The following ADTRP variants were observed in gnomAD, a reference collection of about 807,000 sequenced individuals.
ADTRP encodes the protein androgen-dependent TFPI-regulating protein.
ADTRP carries 20 observed loss-of-function variants against 27.0 expected under a neutral mutation model. The ratio of observed to expected loss-of-function variants is 0.74; its 90% CI spans 0.52 to 1.08. ADTRP has a LOEUF of 1.08. Ranked by LOEUF, ADTRP falls within the 50% of genes least tolerant of loss-of-function variation. The probability of loss-of-function intolerance (pLI) is 0.00; values close to 1 mark genes in which losing one functional copy is unlikely to be tolerated. For synonymous variants in ADTRP, 101 were observed against 105.2 expected (o/e 0.96, Z 0.25); for missense variants, 251 against 275.0 (o/e 0.91, Z 0.62).
At chr6:11,768,195 C>A in intron 2 of ADTRP, 54 bp downstream of exon 2, 2 of 1,593,720 alleles carry the variant, frequency 1.3e-6, no homozygotes, top group Admixed American at 3.4e-5. Flanking sequence ...CCAGGAGAAG[C>A]GTCTGTCCAT....
intron 3 of ADTRP, among the ~76,000 whole-genome samples, chr6:11,748,875 G>T (rs1244338743): frequency 6.6e-6 from 1 of 152,228 alleles, no homozygotes; most frequent in Non-Finnish European, 1.5e-5. Flanking sequence ...AGCTCAATCT[G>T]TGTCTGCAGC....
At chr6:11,759,958 T>A (rs1763345118) in intron 3 of ADTRP, among the ~76,000 whole-genome samples, 1 of 152,160 alleles carries the variant, frequency 6.6e-6, no homozygotes, top group Non-Finnish European at 1.5e-5. Flanking sequence ...GTAAGTGGTC[T>A]GCCTGGAAGA....
At chr6:11,759,208 G>A (rs1763324411) in intron 3 of ADTRP, among the ~76,000 whole-genome samples, 1 of 152,212 alleles carries the variant, frequency 6.6e-6, no homozygotes, top group South Asian at 2.1e-4. Context: ...TCTCTTTGAG[G>A]GAACAGGGGC....
intron 5 of ADTRP, among the ~76,000 whole-genome samples, chr6:11,719,746 C>T (rs1250425985): frequency 6.6e-6 from 1 of 152,170 alleles, no homozygotes; most frequent in Non-Finnish European, 1.5e-5. Context: ...CTCCTATTTG[C>T]TGTAAGTACC....
At chr6:11,757,442 A>G (rs1191103868) in intron 3 of ADTRP, among the ~76,000 whole-genome samples, 1 of 152,158 alleles carries the variant, frequency 6.6e-6, no homozygotes, top group African/African-American at 2.4e-5. Context: ...CTCCTCTTTG[A>G]TATCTTTTCC....
intron 4 of ADTRP, among the ~76,000 whole-genome samples, chr6:11,727,146 C>T (rs1042982614): frequency 6.6e-5 from 10 of 152,266 alleles, no homozygotes; most frequent in African/African-American, 1.9e-4. Flanking sequence ...CTCACCCTCC[C>T]GAGTAGCTGG....
chr6:11,717,322 C>A, intron 5 of ADTRP: 1 of 1,304,174 alleles, frequency 7.7e-7, no homozygotes. Flanking sequence ...ATATTCTTGA[C>A]CAGTTGGTGC....
chr6:11,770,223 C>G (rs1763724785), intron 1 of ADTRP: 13 of 768,164 alleles, frequency 1.7e-5, no homozygotes, highest in Non-Finnish European at 2.4e-5. Flanking sequence ...CTGCCTGGTT[C>G]CCACCCCCAG....
chr6:11,730,040 T>C (rs1270190029), intron 4 of ADTRP, among the ~76,000 whole-genome samples: 4 of 152,212 alleles, frequency 2.6e-5, no homozygotes, highest in Non-Finnish European at 4.4e-5. Flanking sequence ...CCGTTATTAT[T>C]TCTGATTTCT....
At chr6:11,729,469 C>G (rs1304476946) in intron 4 of ADTRP, among the ~76,000 whole-genome samples, 1 of 152,114 alleles carries the variant, frequency 6.6e-6, no homozygotes, top group Non-Finnish European at 1.5e-5. Flanking sequence ...TAATTCCTTG[C>G]TACCTTTGCT....
Position 11,714,364 on chromosome 6 carries a change from C to A in ADTRP, c.*114G>T. The A allele has an allele frequency of 8.4e-7, 1 of 1,187,656 alleles. No homozygotes were observed. Among genetic ancestry groups the A allele is most frequent in the South Asian group, 1.4e-5 (1 of 73,718 alleles). 73.6% of individuals were successfully genotyped at this position (1,187,656 alleles called of 1,614,324 possible). A position where few individuals can be genotyped will look rare whatever the true frequency, so the allele number is the denominator to read the frequency against. On this transcript the variant is annotated 3_prime_UTR_variant, in exon 6 of 6. Transcript: ENST00000414691. ...ATTAAATTTAAGTATCACTCTCTGT[C>A]CCTCCTACTTTGCTATGTTCCTCCA...
At chr6:11,764,086 T>C (rs950268218) in intron 3 of ADTRP, among the ~76,000 whole-genome samples, 1 of 152,226 alleles carries the variant, frequency 6.6e-6, no homozygotes, top group Non-Finnish European at 1.5e-5. Context: ...TTCAGGTTAC[T>C]TGAATGACCA....
rs967778519 is a variant in ADTRP, at chr6:11,764,390, T to C, written c.390+1884A>G. On this transcript the variant is annotated intron_variant, in intron 3 of 5. Transcript: ENST00000414691. ...AAGCTACAAGATGAGCACACAAACC[T>C]TGAGAAGATGTTTGCTAGGTGCATT... Among the ~76,000 whole-genome samples, 5 of 152,276 alleles carry C rather than the reference T, an allele frequency of 3.3e-5. No homozygotes were observed. The East Asian group carries it at 7.7e-4, about 23-fold the overall frequency.
intron 1 of ADTRP, among the ~76,000 whole-genome samples, chr6:11,768,905 C>A (rs1190793715): frequency 5.9e-5 from 9 of 152,072 alleles, no homozygotes; most frequent in African/African-American, 1.4e-4. Flanking sequence ...GTGCCTTGCT[C>A]AGCCGAAGAA....
At chr6:11,731,409 C>T (rs1554112322) in intron 4 of ADTRP, among the ~76,000 whole-genome samples, 70 of 152,188 alleles carry the variant, frequency 4.6e-4, no homozygotes, top group Non-Finnish European at 2.9e-5. Context: ...TGCTTCCACT[C>T]CAAACAAACA....
At chr6:11,731,615 G>A (rs1027740485) in intron 4 of ADTRP, among the ~76,000 whole-genome samples, 1 of 146,462 alleles carries the variant, frequency 6.8e-6, no homozygotes, top group Non-Finnish European at 1.5e-5. Context: ...TTGGGACTGT[G>A]CTCCTTTTGT....
intron 5 of ADTRP, among the ~76,000 whole-genome samples, chr6:11,720,937 T>C (rs1762005618): frequency 6.6e-6 from 1 of 152,160 alleles, no homozygotes; most frequent in Non-Finnish European, 1.5e-5. Context: ...GGATATTCTA[T>C]TGTCTGCACT....
chr6:11,716,122 T>C lies in ADTRP; in HGVS notation c.659-1610A>G, dbSNP rs527789716. Reference sequence around the variant, plus strand: ...TTTTCAATTAAATAACCAGCTCACATACAAGAGGGACAATATAAACTTGGT... The same window carrying C: ...TTTTCAATTAAATAACCAGCTCACACACAAGAGGGACAATATAAACTTGGT... On this transcript the variant is annotated intron_variant, in intron 5 of 5. Coordinates refer to ENST00000414691, the MANE Select transcript of ADTRP (RefSeq NM_032744.4). Among the ~76,000 whole-genome samples, 3 of 152,276 alleles carry C rather than the reference T, an allele frequency of 2.0e-5. No individual in the cohort carries two copies. In the East Asian group the frequency reaches 5.8e-4, roughly 29 times the overall value.
Position 11,734,202 on chromosome 6 carries a change from G to A in ADTRP, c.506+1366C>T, listed in dbSNP as rs183586629. Among the ~76,000 whole-genome samples the A allele has an allele frequency of 2.2e-3, 341 of 152,308 alleles. 1 individual carries two copies. The Middle Eastern group carries it at 0.041, about 18-fold the overall frequency. ...TACTCTTACCCCAATCCAGGTCCCA[G>A]ATACTCTGTCTTTAGGGATATATTC... is the stretch of plus-strand genomic sequence containing the variant. On this transcript the variant is annotated intron_variant, in intron 4 of 5. Transcript: ENST00000414691.
Sources: allele counts gnomAD v4.1 joint callset (sites outside exome capture counted in the v4.1 genomes callset), GRCh38; gene constraint gnomAD v4.1.1; transcripts MANE v1.5; gene names NCBI Gene and HGNC (gene_info 2026-07-23, HGNC 2026-07-21).